OR6B1: variants seen among roughly 807,000 people sequenced by gnomAD.
OR6B1 encodes the protein olfactory receptor family 6 subfamily B member 1.
OR6B1 carries 15 observed loss-of-function variants against 15.4 expected under a neutral mutation model. The ratio of observed to expected loss-of-function variants is 0.97; its 90% CI spans 0.65 to 1.50. OR6B1 has a LOEUF of 1.50. Among genes scored for constraint, OR6B1 ranks in the 40% most tolerant of loss-of-function variants. The probability of loss-of-function intolerance (pLI) is 0.00; values close to 1 mark genes in which losing one functional copy is unlikely to be tolerated. For missense variants in OR6B1, 384 were observed against 385.0 expected (o/e 1.00, Z 0.02); for synonymous variants, 139 against 144.9 (o/e 0.96, Z 0.29).
At position 144,004,855 on chromosome 7, in the gene OR6B1, A is replaced by G. The variant is rs768277168; in HGVS notation, c.859A>G (p.Ile287Val). The G allele has an allele frequency of 6.2e-7, 1 of 1,613,186 alleles. No homozygotes were observed. The highest frequency in any genetic ancestry group is 1.1e-5 in the South Asian group (1 of 91,076). ...TGTCACTCCTTCTCTCAACCCTTTC[A>G]TTTATTGCCTAAGAAACCGAGAGGT... ...AIVTPSLNPF[I>V]YCLRNREVKE... The change falls in exon 2 of 2, where the codon ATT (isoleucine) becomes GTT (valine). Residue 287 changes from isoleucine (I) to valine (V), a missense_variant. Coordinates refer to ENST00000641698, the MANE Select transcript of OR6B1 (RefSeq NM_001005281.3).
Position 144,004,854 on chromosome 7 carries a change from C to T in OR6B1, c.858C>T (p.Phe286=). ...TTGTCACTCCTTCTCTCAACCCTTTCATTTATTGCCTAAGAAACCGAGAGG... is the reference window on the plus strand; with the variant it reads ...TTGTCACTCCTTCTCTCAACCCTTTTATTTATTGCCTAAGAAACCGAGAGG... ...YAIVTPSLNP[F]IYCLRNREVK... Residue 286 remains phenylalanine (F), a synonymous_variant, in exon 2 of 2, where the codon TTC becomes TTT. Coordinates refer to ENST00000641698, the MANE Select transcript of OR6B1 (RefSeq NM_001005281.3). 1.2e-6 allele frequency: 2 copies of T among 1,613,262 alleles called. No individual in the cohort carries two copies. Among genetic ancestry groups the T allele is most frequent in the Non-Finnish European group, 1.7e-6 (2 of 1,180,024 alleles).
Position 144,008,426 on chromosome 7 carries a change from G to A in OR6B1, c.*3494G>A, listed in dbSNP as rs552225197. On this transcript the variant is annotated 3_prime_UTR_variant, in exon 2 of 2. Transcript: ENST00000641698. ...TGGAGTCTTGTGTAGTATGTTTGAG[G>A]GACATTGAAGAGACTGAGCAGCCAG... The A allele has an allele frequency of 6.6e-6, 1 of 152,348 alleles. No homozygotes were observed. The highest frequency in any genetic ancestry group is 2.4e-5 in the African/African-American group (1 of 41,548). 9.4% of individuals were successfully genotyped at this position (152,348 alleles called of 1,614,324 possible).
intron 1 of OR6B1, among the ~76,000 whole-genome samples, chr7:144,002,345 T>C (rs548439861): frequency 2.0e-5 from 3 of 152,366 alleles, no homozygotes; most frequent in South Asian, 4.1e-4. Flanking sequence ...TATTAGAAGA[T>C]TTTCTGAACT....
rs761162039 is a variant in OR6B1 at position 144,004,024 on chromosome 7, A to G, written c.28A>G (p.Thr10Ala). The G allele has an allele frequency of 1.9e-6, 3 of 1,613,152 alleles. No homozygotes were observed. In the South Asian group the frequency reaches 3.3e-5, roughly 18 times the overall value. The change falls in exon 2 of 2, where the codon ACC (threonine) becomes GCC (alanine). Residue 10 changes from threonine to alanine, a missense_variant. Physicochemically the swap from Thr to Ala is moderately conservative, Grantham distance 58 (BLOSUM62 0). Transcript: ENST00000641698. Reference protein sequence around the residue: MELENQTRVTKFILVGFPGS... With the variant: MELENQTRVAKFILVGFPGS... ...GGAGTTGGAGAACCAGACACGAGTC[A>G]CCAAGTTCATTCTGGTGGGATTCCC... is the stretch of plus-strand genomic sequence containing the variant.
chr7:144,006,773 C>A lies in OR6B1; in HGVS notation c.*1841C>A, dbSNP rs2050627721. 2 of 152,198 alleles carry A rather than the reference C, an allele frequency of 1.3e-5. No individual in the cohort carries two copies. Among genetic ancestry groups the A allele is most frequent in the Non-Finnish European group, 2.9e-5 (2 of 68,032 alleles). 9.4% of individuals were successfully genotyped at this position (152,198 alleles called of 1,614,324 possible). On this transcript the variant is annotated 3_prime_UTR_variant, in exon 2 of 2. Transcript: ENST00000641698. ...TGAATTTTAGCCCTGGATATATATT[C>A]ACCATGTGACCTTGGCCAAACCATC...
chr7:144,001,084 C>T (rs187889597), intron 1 of OR6B1, among the ~76,000 whole-genome samples: 13 of 152,290 alleles, frequency 8.5e-5, no homozygotes, highest in African/African-American at 2.4e-4. Flanking sequence ...TTGGAACCTA[C>T]GTATGTATAG....
chr7:144,002,662 A>G (rs2050592025), intron 1 of OR6B1, among the ~76,000 whole-genome samples: 1 of 152,204 alleles, frequency 6.6e-6, no homozygotes, highest in African/African-American at 2.4e-5. Flanking sequence ...CCGTTTTGCA[A>G]CGACAGAGTT....
chr7:144,008,316 C>T lies in OR6B1; in HGVS notation c.*3384C>T, dbSNP rs2050638339. On this transcript the variant is annotated 3_prime_UTR_variant, in exon 2 of 2. Transcript: ENST00000641698. ...ACCAAGTGAGGAAGAAATGTTTGAG[C>T]AAAAACCTGGAGAAGCTGTGAGAGT... is the stretch of plus-strand genomic sequence containing the variant. The T allele has an allele frequency of 6.6e-6, 1 of 152,108 alleles. No individual in the cohort carries two copies. The highest frequency in any genetic ancestry group is 2.4e-5 in the African/African-American group (1 of 41,392). 9.4% of individuals were successfully genotyped at this position (152,108 alleles called of 1,614,324 possible). A position where few individuals can be genotyped will look rare whatever the true frequency, so the allele number is the denominator to read the frequency against.
At chr7:144,003,414 C>T (rs1563011825) in intron 1 of OR6B1, among the ~76,000 whole-genome samples, 1 of 152,108 alleles carries the variant, frequency 6.6e-6, no homozygotes, top group Non-Finnish European at 1.5e-5. Context: ...TGAATGAGGT[C>T]CAGGAGGTCT....
rs1361455658 is a variant in OR6B1 at position 144,008,490 on chromosome 7, T to C, written c.*3558T>C. ...GGGTAAGCAGGTGATATGGTCTGGC[T>C]CTGTTTCCCTACCCAAATCTCATCT... On this transcript the variant is annotated 3_prime_UTR_variant, in exon 2 of 2. Transcript: ENST00000641698. The C allele has an allele frequency of 1.3e-5, 2 of 152,178 alleles. No homozygotes were observed. The highest frequency in any genetic ancestry group is 6.5e-5 in the Admixed American group (1 of 15,276). 9.4% of individuals were successfully genotyped at this position (152,178 alleles called of 1,614,324 possible).
At chr7:144,002,139 G>A (rs2050588542) in intron 1 of OR6B1, among the ~76,000 whole-genome samples, 1 of 152,212 alleles carries the variant, frequency 6.6e-6, no homozygotes, top group Admixed American at 6.5e-5. Context: ...TTAAGGACAT[G>A]CCTTTGTAGT....
rs981158738 is a variant in OR6B1 at position 144,003,816 on chromosome 7, T to C, written c.-25-156T>C. 31 of 535,572 alleles carry C rather than the reference T, an allele frequency of 5.8e-5. No homozygotes were observed. In the African/African-American group the frequency reaches 6.6e-4, roughly 11 times the overall value. The allele number at this position is 535,572 out of a possible 1,614,324, so 33.2% of individuals were successfully genotyped here. On this transcript the variant is annotated intron_variant, in intron 1 of 1. Coordinates refer to ENST00000641698, the MANE Select transcript of OR6B1 (RefSeq NM_001005281.3). ...ACACACACACACACACACACGGCTA[T>C]GTGGAAATTAAATTACGTTGTGTGC...
chr7:144,008,687 T>C lies in OR6B1; in HGVS notation c.*3755T>C, dbSNP rs1309796292. 1 of 152,398 alleles carries C rather than the reference T, an allele frequency of 6.6e-6. No individual in the cohort carries two copies. Among genetic ancestry groups the C allele is most frequent in the East Asian group, 1.9e-4 (1 of 5,188 alleles). The allele number at this position is 152,398 out of a possible 1,614,324, so 9.4% of individuals were successfully genotyped here. On this transcript the variant is annotated 3_prime_UTR_variant, in exon 2 of 2. Transcript: ENST00000641698. ...TTTCTCTCTCTCTCTCTTGCCGCCA[T>C]GTTAGATGTGCCTTCCTTCCCCTTC...
chr7:144,001,058 A>G (rs1563011017), intron 1 of OR6B1, among the ~76,000 whole-genome samples: 1 of 152,212 alleles, frequency 6.6e-6, no homozygotes, highest in Non-Finnish European at 1.5e-5. Context: ...TTAAATGTTC[A>G]TCAAATTCAA....
In OR6B1 at chr7:144,004,074, C is replaced by G; in HGVS notation, c.78C>G (p.Ala26=). The G allele has an allele frequency of 6.2e-7, 1 of 1,614,024 alleles. No individual in the cohort carries two copies. The highest frequency in any genetic ancestry group is 1.1e-5 in the South Asian group (1 of 91,072). Residue 26 remains alanine, a synonymous_variant, in exon 2 of 2, where the codon GCC becomes GCG. Transcript: ENST00000641698. ...GFPGSLSMRA[A]MFLIFLVAYI... is the part of the protein sequence containing the mutation. ...CTGGGAGCTTGAGTATGCGGGCAGC[C>G]ATGTTTCTGATATTCCTTGTGGCCT...
intron 1 of OR6B1, among the ~76,000 whole-genome samples, chr7:144,001,147 A>T (rs1447410235): frequency 6.6e-5 from 10 of 152,238 alleles, no homozygotes; most frequent in Non-Finnish European, 7.3e-5. Context: ...AGAAACAAAG[A>T]TGTTTGATTC....
rs1486184536 is a variant in OR6B1, at chr7:144,005,711, C to A, written c.*779C>A. 5 of 152,038 alleles carry A rather than the reference C, an allele frequency of 3.3e-5. No individual in the cohort carries two copies. In the South Asian group the frequency reaches 6.2e-4, roughly 19 times the overall value. The allele number at this position is 152,038 out of a possible 1,614,324, so 9.4% of individuals were successfully genotyped here. A position where few individuals can be genotyped will look rare whatever the true frequency, so the allele number is the denominator to read the frequency against. On this transcript the variant is annotated 3_prime_UTR_variant, in exon 2 of 2. Coordinates refer to ENST00000641698, the MANE Select transcript of OR6B1 (RefSeq NM_001005281.3). ...GATATCCTCTTGTTCCCGCCCCGCA[C>A]CCCCCTTCCCGCCCTCTCTTTTATC...
intron 1 of OR6B1, among the ~76,000 whole-genome samples, chr7:144,002,711 C>A (rs1205563761): frequency 6.6e-6 from 1 of 152,134 alleles, no homozygotes; most frequent in Non-Finnish European, 1.5e-5. Flanking sequence ...TCCCATTCAC[C>A]TTTAATCTTT....
At position 144,008,579 on chromosome 7, in the gene OR6B1, T is replaced by C. The variant is rs929036610; in HGVS notation, c.*3647T>C. 11 of 152,146 alleles carry C rather than the reference T, an allele frequency of 7.2e-5. No homozygotes were observed. Among genetic ancestry groups the C allele is most frequent in the African/African-American group, 2.2e-4 (9 of 41,404 alleles). The allele number at this position is 152,146 out of a possible 1,614,324, so 9.4% of individuals were successfully genotyped here. On this transcript the variant is annotated 3_prime_UTR_variant, in exon 2 of 2. Transcript: ENST00000641698. ...GGAAGTGATTGCATCATGGGGGTGGTTCCCCCATGCTGTTCTCATGATAGT... is the reference window on the plus strand; with the variant it reads ...GGAAGTGATTGCATCATGGGGGTGGCTCCCCCATGCTGTTCTCATGATAGT...
Sources: gnomAD v4.1 joint callset for allele counts (sites outside exome capture counted in the v4.1 genomes callset) on GRCh38, gnomAD v4.1.1 for gene constraint, MANE v1.5 for transcripts, NCBI Gene and HGNC (gene_info 2026-07-23, HGNC 2026-07-21) for gene names.